ACTA2: variants seen among roughly 807,000 people sequenced by gnomAD.
The protein encoded by ACTA2 is actin, aortic smooth muscle.
A neutral mutation model predicts 39.5 loss-of-function variants in ACTA2; 12 were observed. The ratio of observed to expected loss-of-function variants is 0.30; its 90% CI spans 0.19 to 0.49. The LOEUF is 0.49. Ranked by LOEUF, ACTA2 falls within the 20% of genes least tolerant of loss-of-function variation. ACTA2 has a pLI of 0.99. For synonymous variants in ACTA2, 158 were observed against 180.6 expected (o/e 0.88, Z 1.00); for missense variants, 236 against 498.8 (o/e 0.47, Z 5.02).
Position 88,990,624 on chromosome 10 carries a change from C to T in ACTA2, c.-24+315G>A. ...GCTTCCTTCCCATCCTCCTGACCAC[C>T]GGGGCTTTTCGTGAGCTCGTCTCTG... On this transcript the variant is annotated intron_variant, in intron 1 of 4. Coordinates refer to the ACTA2 transcript ENST00000415557. This position sits in a 1 kb window ranked among gnomAD's most constrained non-coding sequence, Gnocchi z 4.9. 1.5e-6 allele frequency: 1 copy of T among 689,254 alleles called. No individual in the cohort carries two copies. Among genetic ancestry groups the T allele is most frequent in the Non-Finnish European group, 2.6e-6 (1 of 378,058 alleles). The allele number at this position is 689,254 out of a possible 1,614,324, so 42.7% of individuals were successfully genotyped here.
At chr10:88,938,451 G>C in intron 7 of ACTA2, 1 of 588,198 alleles carries the variant, frequency 1.7e-6, no homozygotes, top group Non-Finnish European at 3.0e-6. Context: ...GCCTGCTGCA[G>C]CATCCTGAGG....
At chr10:88,968,963 T>C (rs907016225) in intron 1 of ACTA2, among the ~76,000 whole-genome samples, 1 of 152,004 alleles carries the variant, frequency 6.6e-6, no homozygotes, top group African/African-American at 2.4e-5. Context: ...TTATTTGATG[T>C]CTCCCCCCAA....
intron 1 of ACTA2, among the ~76,000 whole-genome samples, chr10:88,966,744 A>G (rs1465260548): frequency 6.6e-6 from 1 of 152,180 alleles, no homozygotes; most frequent in African/African-American, 2.4e-5. Context: ...ACCACTTTTC[A>G]GGGCTCCTGA....
Position 88,948,342 on chromosome 10 carries a change from G to A in ACTA2, c.129+460C>T, listed in dbSNP as rs146423058. The A allele has an allele frequency of 2.9e-5, 5 of 171,514 alleles. No individual in the cohort carries two copies. In the East Asian group the frequency reaches 4.4e-4, roughly 15 times the overall value. 10.6% of individuals were successfully genotyped at this position (171,514 alleles called of 1,614,324 possible). On this transcript the variant is annotated intron_variant, in intron 2 of 8. Transcript: ENST00000224784. ...CACATAATGTGTAAAATTACCATGC[G>A]GCTGTCCAAATATATTTTGTTGACA...
intron 6 of ACTA2, 102 bp from the exon 7 acceptor site, chr10:88,939,800 A>T: frequency 8.1e-7 from 1 of 1,231,348 alleles, no homozygotes; most frequent in Non-Finnish European, 1.2e-6. Flanking sequence ...ATGTGCCATC[A>T]AAAAATGTGT....
chr10:88,976,169 A>G (rs1247309763), intron 1 of ACTA2, among the ~76,000 whole-genome samples: 1 of 152,186 alleles, frequency 6.6e-6, no homozygotes, highest in Non-Finnish European at 1.5e-5. Context: ...TGGGCCACAC[A>G]TAAAATACAC....
intron 8 of ACTA2, among the ~76,000 whole-genome samples, chr10:88,936,731 T>C (rs1205882694): frequency 2.6e-5 from 4 of 152,146 alleles, no homozygotes; most frequent in Non-Finnish European, 2.9e-5. Context: ...GTTAAACCTC[T>C]TTTCTTTACA....
Position 88,990,736 on chromosome 10 carries a change from A to G in ACTA2, c.-24+203T>C, listed in dbSNP as rs773950456. Reference sequence around the variant, plus strand: ...TTACGAGTGACTTGGCTGGAGCCTCAGGGGCGGGCACTGGCACGGAACACA... The same window carrying G: ...TTACGAGTGACTTGGCTGGAGCCTCGGGGGCGGGCACTGGCACGGAACACA... On this transcript the variant is annotated intron_variant, in intron 1 of 4. Coordinates refer to the ACTA2 transcript ENST00000415557. The surrounding 1 kb of genome is among the most constrained non-coding windows in gnomAD (Gnocchi z 4.9). 1 of 980,932 alleles carries G rather than the reference A, an allele frequency of 1.0e-6. No homozygotes were observed. The highest frequency in any genetic ancestry group is 1.6e-6 in the Non-Finnish European group (1 of 622,790). 60.8% of individuals were successfully genotyped at this position (980,932 alleles called of 1,614,324 possible).
chr10:88,945,279 A>G (rs188485598), intron 3 of ACTA2, among the ~76,000 whole-genome samples: 3 of 152,350 alleles, frequency 2.0e-5, no homozygotes, highest in Non-Finnish European at 2.9e-5. Flanking sequence ...CTCTGTGCAA[A>G]CTGCAATCTT....
At position 88,990,755 on chromosome 10, in the gene ACTA2, G is replaced by A. The variant is rs2133383036; in HGVS notation, c.-24+184C>T. 1 of 1,272,676 alleles carries A rather than the reference G, an allele frequency of 7.9e-7. No individual in the cohort carries two copies. Among genetic ancestry groups the A allele is most frequent in the Non-Finnish European group, 1.1e-6 (1 of 880,230 alleles). The allele number at this position is 1,272,676 out of a possible 1,614,324, so 78.8% of individuals were successfully genotyped here. A position where few individuals can be genotyped will look rare whatever the true frequency, so the allele number is the denominator to read the frequency against. ...AGCCTCAGGGGCGGGCACTGGCACG[G>A]AACACACCCTGAGGCCAGCCCTGGC... On this transcript the variant is annotated intron_variant, in intron 1 of 4. Transcript: ENST00000415557. The surrounding 1 kb of genome is among the most constrained non-coding windows in gnomAD (Gnocchi z 4.9).
intron 4 of ACTA2, among the ~76,000 whole-genome samples, chr10:88,942,165 A>C (rs1406691681): frequency 6.6e-6 from 1 of 152,200 alleles, no homozygotes; most frequent in Non-Finnish European, 1.5e-5. Flanking sequence ...GGCTTTGACT[A>C]ATAGTCACCA....
Position 88,948,944 on chromosome 10 carries a change from T to C in ACTA2, c.-14A>G. 1 of 1,613,492 alleles carries C rather than the reference T, an allele frequency of 6.2e-7. No individual in the cohort carries two copies. The highest frequency in any genetic ancestry group is 8.5e-7 in the Non-Finnish European group (1 of 1,179,590). ...TTCTTCACACATAGCTGGAGCTGCTTCACAGGATTCTATAGAAAACAGGGA... is the reference window on the plus strand; with the variant it reads ...TTCTTCACACATAGCTGGAGCTGCTCCACAGGATTCTATAGAAAACAGGGA... On this transcript the variant is annotated 5_prime_UTR_variant, in exon 2 of 9. Transcript: ENST00000224784.
At chr10:88,981,940 G>A (rs745771329) in intron 1 of ACTA2, among the ~76,000 whole-genome samples, 15 of 152,166 alleles carry the variant, frequency 9.9e-5, no homozygotes, top group Non-Finnish European at 1.8e-4. Context: ...GAACTTGATC[G>A]AGTTACCTCT....
At chr10:88,989,754 T>C (rs1847055149) in intron 1 of ACTA2, among the ~76,000 whole-genome samples, 1 of 152,150 alleles carries the variant, frequency 6.6e-6, no homozygotes, top group Non-Finnish European at 1.5e-5. Flanking sequence ...ATGGGTTGAA[T>C]CTAATTGGGA....
intron 1 of ACTA2, among the ~76,000 whole-genome samples, chr10:88,976,645 T>C (rs557054962): frequency 7.5e-4 from 114 of 152,352 alleles, no homozygotes; most frequent in African/African-American, 2.6e-3. Context: ...TTCAATGATA[T>C]TGTGTTATTT....
At chr10:88,991,014 G>A in exon 1 of ACTA2, 2 of 1,489,972 alleles carry the variant, frequency 1.3e-6, no homozygotes, top group South Asian at 1.1e-5. Context: ...AGCGGCGCAC[G>A]CGGGCACCTG....
At chr10:88,965,944 G>A (rs1846311298) in intron 1 of ACTA2, among the ~76,000 whole-genome samples, 1 of 152,212 alleles carries the variant, frequency 6.6e-6, no homozygotes, top group Non-Finnish European at 1.5e-5. Context: ...AAAATGGTGA[G>A]TTAGAGCAGA....
intron 1 of ACTA2, among the ~76,000 whole-genome samples, chr10:88,959,095 G>T (rs1564652074): frequency 6.6e-6 from 1 of 152,170 alleles, no homozygotes; most frequent in East Asian, 1.9e-4. Context: ...CATCAGTGCT[G>T]TCCAATACAG....
At chr10:88,956,473 G>A (rs1169004363), upstream of ACTA2, among the ~76,000 whole-genome samples, 4 of 152,060 alleles carry the variant, frequency 2.6e-5, no homozygotes, top group Admixed American at 6.5e-5. Context: ...ATGGATAATC[G>A]AGGATAGTTC....
Sources: gnomAD v4.1 joint callset for allele counts (sites outside exome capture counted in the v4.1 genomes callset) on GRCh38, gnomAD v4.1.1 for gene constraint, Gnocchi (gnomAD v3.1) non-coding constraint, MANE v1.5 for transcripts, NCBI Gene and HGNC (gene_info 2026-07-23, HGNC 2026-07-21) for gene names.